The following B3GALNT2 variants were observed in gnomAD, a reference collection of about 807,000 sequenced individuals.
The protein encoded by B3GALNT2 is UDP-GalNAc:beta-1,3-N-acetylgalactosaminyltransferase 2.
In B3GALNT2, 53 loss-of-function variants were observed where a neutral mutation model predicts 61.1. The ratio of observed to expected loss-of-function variants is 0.87; its 90% CI spans 0.70 to 1.09. The LOEUF (loss-of-function observed/expected upper bound fraction) is 1.09, where lower values mean the gene tolerates loss of function less well. Among genes scored for constraint, B3GALNT2 ranks in the 50% least tolerant of loss-of-function variants. B3GALNT2 has a pLI of 0.00. For synonymous variants in B3GALNT2, 223 were observed against 237.4 expected, an observed-to-expected ratio of 0.94 and a Z score of 0.56; for missense variants, 544 against 623.0, an observed-to-expected ratio of 0.87 and a Z score of 1.35.
At chr1:235,450,515 A>C (rs1472053195) in intron 11 of B3GALNT2, 175 bp from the exon 12 acceptor site, 4 of 682,936 alleles carry the variant, frequency 5.9e-6, no homozygotes, top group Non-Finnish European at 9.6e-6. Flanking sequence ...GATTTGGGAA[A>C]GCACCAGGTC....
Position 235,448,197 on chromosome 1 carries a change from TA to T in B3GALNT2, c.*2008del. The T allele has an allele frequency of 4.5e-6, 3 of 664,316 alleles. No homozygotes were observed. The highest frequency in any genetic ancestry group is 7.7e-6 in the Non-Finnish European group (3 of 389,622). 41.2% of individuals were successfully genotyped at this position (664,316 alleles called of 1,614,324 possible). On this transcript the variant is annotated 3_prime_UTR_variant, in exon 12 of 12. Transcript: ENST00000366600. Reference sequence around the variant, plus strand: ...CCTGGGCGACAGAGCAAGACTTACTTAAGTAAGTAAGTAAGTCAGTCTCAAA... The same window carrying T: ...CCTGGGCGACAGAGCAAGACTTACTTAGTAAGTAAGTAAGTCAGTCTCAAA...
chr1:235,442,725 ACATTGATTAGACCTGC>A (rs1364775120), downstream of B3GALNT2: 8 of 818,908 alleles, frequency 9.8e-6, no homozygotes, highest in Non-Finnish European at 1.6e-5. Context: ...AGAATTTTAA[ACATTGATTAGACCTGC>A]CAATTTGCAC....
chr1:235,446,030 G>T (rs1049661720), downstream of B3GALNT2, among the ~76,000 whole-genome samples: 6 of 152,086 alleles, frequency 3.9e-5, no homozygotes, highest in Non-Finnish European at 5.9e-5. Context: ...AGTCATACTC[G>T]CCGCTTTCCA....
At chr1:235,465,482 A>G in intron 7 of B3GALNT2, 154 bp downstream of exon 7, 1 of 1,195,848 alleles carries the variant, frequency 8.4e-7, no homozygotes, top group African/African-American at 1.5e-5. Context: ...GAACTCTAAG[A>G]ATACACTAAA....
intron 1 of B3GALNT2, among the ~76,000 whole-genome samples, chr1:235,497,264 T>C (rs1685371273): frequency 6.6e-6 from 1 of 152,186 alleles, no homozygotes; most frequent in Non-Finnish European, 1.5e-5. Flanking sequence ...ATGTACATTC[T>C]AGTGTCAGGA....
chr1:235,497,100 T>C (rs1196028180), intron 1 of B3GALNT2, among the ~76,000 whole-genome samples: 1 of 152,224 alleles, frequency 6.6e-6, no homozygotes, highest in Non-Finnish European at 1.5e-5. Context: ...TTTTAACTCA[T>C]AGCTCAGAAC....
intron 3 of B3GALNT2, among the ~76,000 whole-genome samples, chr1:235,488,093 G>A (rs1447790999): frequency 6.6e-6 from 1 of 152,006 alleles, no homozygotes; most frequent in Non-Finnish European, 1.5e-5. Context: ...TAATTTTAAG[G>A]CATAAATAAT....
chr1:235,442,008 A>ATTT, the B3GALNT2 span: 48 of 596,316 alleles, frequency 8.0e-5, no homozygotes, highest in Non-Finnish European at 9.8e-5. Context: ...TTAAATGAAA[A>ATTT]TTTTTTTTTT....
chr1:235,468,450 C>CTTTTT (rs58494716), intron 6 of B3GALNT2, among the ~76,000 whole-genome samples: 2 of 87,388 alleles, frequency 2.3e-5, no homozygotes, highest in Admixed American at 1.4e-4. Context: ...AGAAACCTAC[C>CTTTTT]TTTTTTTTTT....
In B3GALNT2 at chr1:235,447,413, C is replaced by T. The variant is rs981759972; in HGVS notation, c.*2793G>A. Among the ~76,000 whole-genome samples the T allele has an allele frequency of 6.6e-6, 1 of 152,170 alleles. No individual in the cohort carries two copies. The highest frequency in any genetic ancestry group is 2.4e-5 in the African/African-American group (1 of 41,434). On this transcript the variant is annotated 3_prime_UTR_variant, in exon 12 of 12. Coordinates refer to ENST00000366600, the MANE Select transcript of B3GALNT2 (RefSeq NM_152490.5). ...CAAAATATCCACTATTTACCACAAC[C>T]CGTCTTTGGAAAGAAGTTCATAGTG...
intron 7 of B3GALNT2, 85 bp from the exon 8 acceptor site, chr1:235,458,871 C>G (rs1683289531): frequency 8.3e-7 from 1 of 1,198,870 alleles, no homozygotes; most frequent in Non-Finnish European, 1.1e-6. Context: ...AAGTTCTTTT[C>G]CCAAGGTAAC....
chr1:235,491,077 GAATA>G (rs1016432868), intron 2 of B3GALNT2, among the ~76,000 whole-genome samples: 4 of 139,844 alleles, frequency 2.9e-5, no homozygotes, highest in Admixed American at 7.2e-5. Context: ...ACTACAGAGT[GAATA>G]GTTAAAAAAA....
At position 235,448,751 on chromosome 1, in the gene B3GALNT2, G is replaced by A. The variant is rs780010345; in HGVS notation, c.*1455C>T. 20 of 1,612,222 alleles carry A rather than the reference G, an allele frequency of 1.2e-5. No individual in the cohort carries two copies. The highest frequency in any genetic ancestry group is 4.4e-5 in the South Asian group (4 of 91,030). ...TGTGGAAAATGGAGATTGTCTATTAGTGCGATGGTGACAACCAACTAATAA... is the reference window on the plus strand; with the variant it reads ...TGTGGAAAATGGAGATTGTCTATTAATGCGATGGTGACAACCAACTAATAA... On this transcript the variant is annotated 3_prime_UTR_variant, in exon 12 of 12. Coordinates refer to ENST00000366600, the MANE Select transcript of B3GALNT2 (RefSeq NM_152490.5).
rs1055981402 is a variant in B3GALNT2, at chr1:235,504,392, G to A, written c.-140C>T. The A allele has an allele frequency of 1.9e-5, 17 of 915,720 alleles. No homozygotes were observed. The highest frequency in any genetic ancestry group is 2.4e-5 in the Non-Finnish European group (16 of 667,332). The allele number at this position is 915,720 out of a possible 1,614,324, so 56.7% of individuals were successfully genotyped here. A position where few individuals can be genotyped will look rare whatever the true frequency, so the allele number is the denominator to read the frequency against. On this transcript the variant is annotated 5_prime_UTR_variant, in exon 1 of 12. Transcript: ENST00000366600. ...CCCTCGCGCTCGGCGACGTCTGGGG[G>A]GCTCCTCGCAGCTCCCGGCCCCGCT... is the stretch of plus-strand genomic sequence containing the variant.
intron 5 of B3GALNT2, among the ~76,000 whole-genome samples, chr1:235,474,983 ATATATTTT>A (rs1180116164): frequency 3.9e-3 from 151 of 38,706 alleles, no homozygotes; most frequent in Non-Finnish European, 4.6e-3. Flanking sequence ...ATATATATAT[ATATATTTT>A]TTTTTTTTTT....
In B3GALNT2 at chr1:235,489,209, TC is replaced by T; in HGVS notation, c.319del (p.Glu107ArgfsTer16). The T allele has an allele frequency of 6.2e-7, 1 of 1,614,062 alleles. No individual in the cohort carries two copies. ...HGCEVPVEDR[E>X]DPYSCKLLNI... ...GAGTAGTTTACAGGAATAAGGATCC[TC>T]CCTGTCTTCCACAGGCACTTCACAG... On this transcript the variant is annotated frameshift_variant, in exon 3 of 12. Transcript: ENST00000366600. LOFTEE classifies it high-confidence loss of function.
At chr1:235,501,950 T>TG (rs1685599997) in intron 1 of B3GALNT2, among the ~76,000 whole-genome samples, 1 of 152,180 alleles carries the variant, frequency 6.6e-6, no homozygotes, top group Non-Finnish European at 1.5e-5. Flanking sequence ...ATGCTTCCAC[T>TG]GCTTTTAGCT....
Position 235,489,206 on chromosome 1 carries a change from T to A in B3GALNT2, c.323A>T (p.Asp108Val). ...GTTGAGTAGTTTACAGGAATAAGGA[T>A]CCTCCCTGTCTTCCACAGGCACTTC... ...GCEVPVEDRE[D>V]PYSCKLLNIT... Residue 108 changes from aspartate to valine, a missense_variant, in exon 3 of 12, where the codon GAT becomes GTT. Transcript: ENST00000366600. 2 of 1,614,036 alleles carry A rather than the reference T, an allele frequency of 1.2e-6. No individual in the cohort carries two copies. The highest frequency in any genetic ancestry group is 1.7e-6 in the Non-Finnish European group (2 of 1,179,966).
At chr1:235,452,547 C>CTT (rs34600118) in intron 11 of B3GALNT2, 3 of 143,544 alleles carry the variant, frequency 2.1e-5, no homozygotes, top group African/African-American at 2.6e-5. Flanking sequence ...AAATCCAAAA[C>CTT]TTTTTTTTTT....
Sources: gnomAD v4.1 joint callset for allele counts (sites outside exome capture counted in the v4.1 genomes callset) on GRCh38, gnomAD v4.1.1 for gene constraint, MANE v1.5 for transcripts, NCBI Gene and HGNC (gene_info 2026-07-23, HGNC 2026-07-21) for gene names.